Variants in TMEM63A observed in about 807,000 individuals in gnomAD.
TMEM63A encodes transmembrane protein 63A.
In TMEM63A, 76 loss-of-function variants were observed where a neutral mutation model predicts 100.6. The observed-to-expected ratio is 0.76, with a 90% CI of 0.63 to 0.91. The LOEUF is 0.91. TMEM63A is among the 40% of genes least tolerant of loss of function. The pLI is 0.00. For synonymous variants in TMEM63A, 401 were observed against 401.1 expected, an observed-to-expected ratio of 1.00 and a Z score of 0.00; for missense variants, 876 against 1,008.8, an observed-to-expected ratio of 0.87 and a Z score of 1.78.
At chr1:225,850,359 CCTT>C (rs71574543) in intron 20 of TMEM63A, among the ~76,000 whole-genome samples, 7,995 of 152,202 alleles carry the variant, frequency 0.053, 232 homozygotes, top group Non-Finnish European at 0.067. Context: ...TAGACACAAA[CCTT>C]CTTGGAAAGC....
chr1:225,845,250 C>G (rs750989790), downstream of TMEM63A: 1 of 1,614,044 alleles, frequency 6.2e-7, no homozygotes, highest in Admixed American at 1.7e-5. Flanking sequence ...ATCTCCTATT[C>G]CTACATGGTT....
Position 225,866,602 on chromosome 1 carries a change from TGA to T in TMEM63A, c.645_646del (p.Gln216ValfsTer3). 6.2e-7 allele frequency: 1 copy of T among 1,614,026 alleles called. No individual in the cohort carries two copies. The highest frequency in any genetic ancestry group is 8.5e-7 in the Non-Finnish European group (1 of 1,179,960). ...GTTCTCCTCTTTGTACTTAATGGAC[TGA>T]GTGTGGTGCCGCATGAAACCCACAG... On this transcript the variant is annotated frameshift_variant, in exon 9 of 25. Coordinates refer to ENST00000366835, the MANE Select transcript of TMEM63A (RefSeq NM_014698.3). LOFTEE classifies it high-confidence loss of function.
rs779609845 is a variant in TMEM63A at position 225,853,631 on chromosome 1, G to C, written c.1795C>G (p.Gln599Glu). Residue 599 changes from glutamine to glutamate, a missense_variant and splice_region_variant, in exon 19 of 25, where the codon CAG (glutamine) becomes GAG (glutamate). This residue lies in a region of TMEM63A where 339 missense variants were observed against 342.3 expected (regional missense o/e 0.99). Transcript: ENST00000366835. The surrounding 1 kb of genome is among the most constrained non-coding windows in gnomAD (Gnocchi z 4.0). ...GCCCTGGGCCCAGGGGATGGCACCT[G>C]CTTGACATTCCTGCGGTCAGCAGCC... The part of the protein sequence containing the change: ...KTAADRRNVK[Q>E]NQAFQYEFGA... The C allele has an allele frequency of 8.3e-6, 13 of 1,562,680 alleles. No individual in the cohort carries two copies. The South Asian group carries it at 1.5e-4, about 18-fold the overall frequency.
chr1:225,856,871 C>A (rs1487224569), intron 16 of TMEM63A, 40 bp downstream of exon 16: 6 of 1,599,714 alleles, frequency 3.8e-6, no homozygotes, highest in Non-Finnish European at 5.1e-6. Flanking sequence ...TCAGAGATAT[C>A]CTTCTTAGGG....
At chr1:225,842,917 T>TCTACA (rs1668550027), downstream of TMEM63A, among the ~76,000 whole-genome samples, 1 of 152,202 alleles carries the variant, frequency 6.6e-6, no homozygotes, top group Non-Finnish European at 1.5e-5. Context: ...GGCTGTATCC[T>TCTACA]CTACATGCCT....
At chr1:225,878,814 G>A (rs1159815260) in intron 2 of TMEM63A, among the ~76,000 whole-genome samples, 1 of 151,868 alleles carries the variant, frequency 6.6e-6, no homozygotes, top group East Asian at 1.9e-4. Context: ...AGGTGTGTAT[G>A]TTGGGTAACC....
chr1:225,850,872 C>T (rs12083928), intron 20 of TMEM63A, among the ~76,000 whole-genome samples: 5,958 of 152,122 alleles, frequency 0.039, 327 homozygotes, highest in African/African-American at 0.13. Context: ...ACACCATGCC[C>T]GGCTAATTTT....
intron 4 of TMEM63A, 91 bp from the exon 5 acceptor site, chr1:225,872,144 T>C: frequency 2.1e-6 from 2 of 950,374 alleles, no homozygotes; most frequent in Non-Finnish European, 3.2e-6. Context: ...AGTATTTTGC[T>C]GCCTCTTGGA....
At chr1:225,856,853 G>A (rs2102609378) in intron 16 of TMEM63A, 58 bp downstream of exon 16, 2 of 1,589,880 alleles carry the variant, frequency 1.3e-6, no homozygotes, top group African/African-American at 1.3e-5. Flanking sequence ...GTGTGGACAA[G>A]GGAGCGGTCA....
intron 3 of TMEM63A, among the ~76,000 whole-genome samples, chr1:225,875,316 C>T (rs770105946): frequency 1.3e-5 from 2 of 152,226 alleles, no homozygotes; most frequent in Non-Finnish European, 2.9e-5. Context: ...ACACTCTAGA[C>T]TGTCCTCACT....
chr1:225,848,410 G>T, intron 23 of TMEM63A, 82 bp downstream of exon 23: 1 of 1,432,254 alleles, frequency 7.0e-7, no homozygotes. Context: ...TCAAAGATTT[G>T]CCGGGGCCCA....
chr1:225,852,206 C>T (rs776314077), intron 20 of TMEM63A, among the ~76,000 whole-genome samples: 5 of 152,210 alleles, frequency 3.3e-5, no homozygotes, highest in Admixed American at 2.6e-4. Flanking sequence ...TGAATGAGGC[C>T]GGGTGCTGTG....
At position 225,861,121 on chromosome 1, in the gene TMEM63A, T is replaced by C; in HGVS notation, c.1086-124A>G. The C allele has an allele frequency of 4.3e-6, 5 of 1,157,446 alleles. No homozygotes were observed. In the South Asian group the frequency reaches 8.5e-5, roughly 20 times the overall value. 71.7% of individuals were successfully genotyped at this position (1,157,446 alleles called of 1,614,324 possible). Reference sequence around the variant, plus strand: ...AGGACCTTTGCTTTGTTGTGATTAGTGTATTATGAGTAACGCTATGTAAGA... The same window carrying C: ...AGGACCTTTGCTTTGTTGTGATTAGCGTATTATGAGTAACGCTATGTAAGA... On this transcript the variant is annotated intron_variant, in intron 13 of 24. Coordinates refer to ENST00000366835, the MANE Select transcript of TMEM63A (RefSeq NM_014698.3).
At chr1:225,848,357 TA>T in intron 23 of TMEM63A, 134 bp downstream of exon 23, 1 of 859,572 alleles carries the variant, frequency 1.2e-6, no homozygotes, top group Non-Finnish European at 1.8e-6. Flanking sequence ...TCTCTGCCAT[TA>T]ATTCACAAAC....
At chr1:225,859,172 G>C in intron 15 of TMEM63A, 24 bp downstream of exon 15, 1 of 1,613,860 alleles carries the variant, frequency 6.2e-7, no homozygotes. Flanking sequence ...ATCCTGGGAG[G>C]GGCCTTGCAG....
At chr1:225,871,473 G>A (rs942223694) in intron 5 of TMEM63A, 10 of 244,596 alleles carry the variant, frequency 4.1e-5, no homozygotes, top group African/African-American at 1.8e-4. Flanking sequence ...ACGGTCCGCT[G>A]GAGTGGGTGT....
At chr1:225,843,953 G>A (rs1668658448), downstream of TMEM63A, among the ~76,000 whole-genome samples, 3 of 152,190 alleles carry the variant, frequency 2.0e-5, no homozygotes, top group African/African-American at 7.2e-5. Context: ...GAGTGAGGAA[G>A]GTAGGGTTGG....
rs143791675 is a variant in TMEM63A at position 225,853,027 on chromosome 1, G to A, written c.1798-258C>T. ...CACCCAACAGGCATGTGAGCCCCTG[G>A]AGGGAAGAGGTGGTCAGGGAAGAGG... On this transcript the variant is annotated intron_variant, in intron 19 of 24. Coordinates refer to ENST00000366835, the MANE Select transcript of TMEM63A (RefSeq NM_014698.3). This position sits in a 1 kb window ranked among gnomAD's most constrained non-coding sequence, Gnocchi z 4.0. Among the ~76,000 whole-genome samples the A allele has an allele frequency of 6.6e-6, 1 of 152,328 alleles. No homozygotes were observed. Among genetic ancestry groups the A allele is most frequent in the East Asian group, 1.9e-4 (1 of 5,184 alleles).
At chr1:225,842,562 G>A (rs563400264), downstream of TMEM63A, 72 of 948,496 alleles carry the variant, frequency 7.6e-5, no homozygotes, top group East Asian at 1.7e-3. Context: ...TGGTTGCTCT[G>A]CATGGGGCAC....
Sources: allele counts gnomAD v4.1 joint callset (sites outside exome capture counted in the v4.1 genomes callset), GRCh38; gene constraint gnomAD v4.1.1; regional missense constraint gnomAD v4.1.1; non-coding constraint Gnocchi (gnomAD v3.1); transcripts MANE v1.5; gene names NCBI Gene and HGNC (gene_info 2026-07-23, HGNC 2026-07-21).